The following RAMP1 variants were observed in gnomAD, a reference collection of about 807,000 sequenced individuals.
RAMP1 encodes receptor activity-modifying protein 1.
In RAMP1, 7 loss-of-function variants were observed where a neutral mutation model predicts 8.2. That is an observed-to-expected ratio of 0.85 (90% CI 0.49 to 1.60). RAMP1 has a LOEUF of 1.60. Ranked by LOEUF, RAMP1 falls within the 40% of genes most tolerant of loss-of-function variation. The pLI is 0.00. For synonymous variants in RAMP1, 92 were observed against 84.7 expected (o/e 1.09, Z -0.47); for missense variants, 192 against 202.4 (o/e 0.95, Z 0.31).
intron 2 of RAMP1, among the ~76,000 whole-genome samples, chr2:237,908,410 CTGGTGG>C (rs1553740387): frequency 6.7e-6 from 1 of 149,014 alleles, no homozygotes; most frequent in African/African-American, 2.5e-5. Context: ...GAAGAGACCT[CTGGTGG>C]TGGTGGTGGT....
intron 2 of RAMP1, among the ~76,000 whole-genome samples, chr2:237,899,318 G>T (rs1396283921): frequency 6.6e-6 from 1 of 152,192 alleles, no homozygotes; most frequent in African/African-American, 2.4e-5. Context: ...TGACCCGCCC[G>T]CCTCGGCCTC....
chr2:237,860,173 G>C (rs925807569), intron 1 of RAMP1, among the ~76,000 whole-genome samples: 1 of 152,360 alleles, frequency 6.6e-6, no homozygotes, highest in East Asian at 1.9e-4. Flanking sequence ...GCACCTTGCA[G>C]AAGACGCAGT....
intron 2 of RAMP1, among the ~76,000 whole-genome samples, chr2:237,890,618 T>C (rs2151015697): frequency 6.6e-6 from 1 of 152,368 alleles, no homozygotes; most frequent in Non-Finnish European, 1.5e-5. Flanking sequence ...CTTCCTCCAC[T>C]ATTGATTTAT....
chr2:237,908,350 C>G (rs1352007961), intron 2 of RAMP1, among the ~76,000 whole-genome samples: 1 of 151,054 alleles, frequency 6.6e-6, no homozygotes, highest in Non-Finnish European at 1.5e-5. Flanking sequence ...TTCCCTGTGG[C>G]AAACTCTGTC....
At chr2:237,911,326 C>T (rs867136514) in intron 2 of RAMP1, among the ~76,000 whole-genome samples, 7 of 152,238 alleles carry the variant, frequency 4.6e-5, no homozygotes, top group South Asian at 4.1e-4. Context: ...CACCACGGGC[C>T]GCCATGCAGG....
At chr2:237,909,024 A>G (rs1375746086) in intron 2 of RAMP1, among the ~76,000 whole-genome samples, 1 of 152,140 alleles carries the variant, frequency 6.6e-6, no homozygotes, top group Non-Finnish European at 1.5e-5. Flanking sequence ...CATCATGGAT[A>G]CGGGGGTGAA....
At position 237,877,133 on chromosome 2, in the gene RAMP1, G is replaced by A. The variant is rs140297480; in HGVS notation, c.53-91G>A. ...GTTGCTTAGAGGCCCCGTTCTCGTG[G>A]AGTCCGGGCTGCAGGGGCGCGCGGG... On this transcript the variant is annotated intron_variant, in intron 1 of 2. Coordinates refer to ENST00000254661, the MANE Select transcript of RAMP1 (RefSeq NM_005855.4). This position sits in a 1 kb window ranked among gnomAD's most constrained non-coding sequence, Gnocchi z 4.4. 4,460 of 1,558,686 alleles carry A rather than the reference G, an allele frequency of 2.9e-3. 19 individuals are homozygous for A. Among genetic ancestry groups the A allele is most frequent in the Non-Finnish European group, 3.6e-3 (4,116 of 1,141,018 alleles).
chr2:237,902,522 C>G (rs1188957998), intron 2 of RAMP1, among the ~76,000 whole-genome samples: 1 of 152,070 alleles, frequency 6.6e-6, no homozygotes, highest in East Asian at 1.9e-4. Context: ...CCAGGGCCCA[C>G]CCCGCACCCC....
At chr2:237,911,283 C>T (rs1276854830) in intron 2 of RAMP1, among the ~76,000 whole-genome samples, 2 of 152,246 alleles carry the variant, frequency 1.3e-5, no homozygotes, top group African/African-American at 4.8e-5. Flanking sequence ...GACAGAGCTG[C>T]GAGGGGCCCC....
At chr2:237,874,543 G>C in intron 1 of RAMP1, 1 of 499,090 alleles carries the variant, frequency 2.0e-6, no homozygotes, top group Non-Finnish European at 2.6e-6. Context: ...CTGAGGCACA[G>C]ACATGCCTGT....
intron 2 of RAMP1, among the ~76,000 whole-genome samples, chr2:237,903,383 C>A (rs1559953974): frequency 6.6e-6 from 1 of 152,134 alleles, no homozygotes; most frequent in Non-Finnish European, 1.5e-5. Context: ...ATTACGGGGT[C>A]AAGAGGCATC....
chr2:237,908,392 C>T (rs1264298992), intron 2 of RAMP1, among the ~76,000 whole-genome samples: 4 of 151,036 alleles, frequency 2.6e-5, no homozygotes, highest in African/African-American at 9.7e-5. Context: ...CTGTCCCTTC[C>T]CCAGTGAGAA....
intron 2 of RAMP1, among the ~76,000 whole-genome samples, chr2:237,892,279 T>C (rs1231192294): frequency 7.1e-6 from 1 of 140,854 alleles, no homozygotes; most frequent in South Asian, 2.3e-4. Flanking sequence ...TTTCTTTCTT[T>C]TTTTTTTTTT....
intron 2 of RAMP1, among the ~76,000 whole-genome samples, chr2:237,891,251 C>T (rs1033175463): frequency 2.0e-5 from 3 of 151,622 alleles, no homozygotes; most frequent in African/African-American, 7.3e-5. Flanking sequence ...CCCGGGTTCA[C>T]GCCATTCTTC....
chr2:237,863,376 C>G (rs1244487394), intron 1 of RAMP1, among the ~76,000 whole-genome samples: 1 of 152,184 alleles, frequency 6.6e-6, no homozygotes, highest in Non-Finnish European at 1.5e-5. Context: ...CATCCCACAG[C>G]AGACATATGA....
chr2:237,894,592 T>C (rs1338029723), intron 2 of RAMP1, among the ~76,000 whole-genome samples: 1 of 152,200 alleles, frequency 6.6e-6, no homozygotes, highest in Admixed American at 6.5e-5. Flanking sequence ...TGGACCTGGC[T>C]AGGGGGTGAG....
rs2062179887 is a variant in RAMP1, at chr2:237,865,638, C to A, written c.52+5911C>A. On this transcript the variant is annotated intron_variant, in intron 1 of 2. Transcript: ENST00000254661. This position sits in a 1 kb window ranked among gnomAD's most constrained non-coding sequence, Gnocchi z 4.2. ...GATGGTACGTAGACAGGAGTCTATG[C>A]AAATCAAGGGTTCAGAAAGAGGTAT... Among the ~76,000 whole-genome samples, 1 of 152,152 alleles carries A rather than the reference C, an allele frequency of 6.6e-6. No individual in the cohort carries two copies. The highest frequency in any genetic ancestry group is 2.1e-4 in the South Asian group (1 of 4,830).
chr2:237,908,628 G>A (rs2151024225), intron 2 of RAMP1, among the ~76,000 whole-genome samples: 1 of 152,242 alleles, frequency 6.6e-6, no homozygotes, highest in Non-Finnish European at 1.5e-5. Flanking sequence ...AGTAGAGATA[G>A]GGTTTCACCA....
At chr2:237,886,050 C>T (rs1410936833) in intron 2 of RAMP1, among the ~76,000 whole-genome samples, 1 of 152,194 alleles carries the variant, frequency 6.6e-6, no homozygotes, top group Admixed American at 6.5e-5. Flanking sequence ...ATGCAGCTCG[C>T]GCAGTGACAC....
Sources: gnomAD v4.1 joint callset for allele counts (sites outside exome capture counted in the v4.1 genomes callset) on GRCh38, gnomAD v4.1.1 for gene constraint, Gnocchi (gnomAD v3.1) non-coding constraint, MANE v1.5 for transcripts, NCBI Gene and HGNC (gene_info 2026-07-23, HGNC 2026-07-21) for gene names.